UNC13C: variants seen among roughly 807,000 people sequenced by gnomAD.
UNC13C encodes unc-13 homolog C.
A neutral mutation model predicts 245.4 loss-of-function variants in UNC13C; 174 were observed. That is an observed-to-expected ratio of 0.71 (90% confidence interval 0.63 to 0.80). The LOEUF (loss-of-function observed/expected upper bound fraction) is 0.80. Ranked by LOEUF, UNC13C falls within the 30% of genes least tolerant of loss-of-function variation. The pLI is 0.00. For synonymous variants in UNC13C, 992 were observed against 895.1 expected (o/e 1.11, Z -1.93); for missense variants, 2,829 against 2,602.9 (o/e 1.09, Z -1.89).
chr15:54,153,126 T>G (rs1436072693), intron 4 of UNC13C, among the ~76,000 whole-genome samples: 2 of 152,130 alleles, frequency 1.3e-5, no homozygotes, highest in Non-Finnish European at 2.9e-5. Flanking sequence ...TATACTTTCT[T>G]AAATATGAAA....
chr15:54,356,733 A>G (rs1567211600), intron 17 of UNC13C, among the ~76,000 whole-genome samples: 1 of 152,198 alleles, frequency 6.6e-6, no homozygotes, highest in Non-Finnish European at 1.5e-5. Context: ...TACTTTAGCA[A>G]TAAAACATAT....
intron 2 of UNC13C, among the ~76,000 whole-genome samples, chr15:54,032,019 T>G (rs1896378492): frequency 6.6e-6 from 1 of 152,166 alleles, no homozygotes. Context: ...ACCGGAAGTA[T>G]TAATTAGAAG....
intron 4 of UNC13C, among the ~76,000 whole-genome samples, chr15:54,206,766 T>C (rs1257621398): frequency 1.3e-5 from 2 of 152,112 alleles, no homozygotes; most frequent in East Asian, 3.9e-4. Flanking sequence ...AGAGTGAATG[T>C]AAAGAGTCAA....
intron 4 of UNC13C, among the ~76,000 whole-genome samples, chr15:54,162,419 C>G (rs1433525206): frequency 6.6e-6 from 1 of 152,150 alleles, no homozygotes; most frequent in African/African-American, 2.4e-5. Context: ...GCAGCTCTTG[C>G]AATCAGACAG....
At chr15:54,186,276 G>A (rs1294942155) in intron 4 of UNC13C, among the ~76,000 whole-genome samples, 3 of 152,136 alleles carry the variant, frequency 2.0e-5, no homozygotes, top group East Asian at 1.9e-4. Flanking sequence ...TCTCCTGCCT[G>A]ATTTCCCTGG....
At chr15:54,577,717 G>A (rs1419161908) in intron 30 of UNC13C, among the ~76,000 whole-genome samples, 1 of 152,100 alleles carries the variant, frequency 6.6e-6, no homozygotes, top group Non-Finnish European at 1.5e-5. Context: ...GCAGTTAGCA[G>A]TTCCACTTTC....
Position 54,184,317 on chromosome 15 carries a change from C to A in UNC13C, c.3071+40633C>A, listed in dbSNP as rs186051498. Among the ~76,000 whole-genome samples, 15 of 151,818 alleles carry A rather than the reference C, an allele frequency of 9.9e-5. 2 individuals are homozygous for A. The highest frequency in any genetic ancestry group is 3.9e-4 in the East Asian group (2 of 5,166). ...TTTCAGGGTACGTGTGCACAACGTG[C>A]GGGTTTTGTTACATATGTATACATG... On this transcript the variant is annotated intron_variant, in intron 4 of 32. Coordinates refer to ENST00000260323, the MANE Select transcript of UNC13C (RefSeq NM_001080534.3).
the UNC13C span, among the ~76,000 whole-genome samples, chr15:53,882,641 G>T: frequency 2.6e-5 from 4 of 152,226 alleles, no homozygotes; most frequent in South Asian, 8.3e-4. Flanking sequence ...AATGCATTTG[G>T]TGATGGTGGC....
At chr15:53,860,680 C>A in the UNC13C span, among the ~76,000 whole-genome samples, 1 of 152,146 alleles carries the variant, frequency 6.6e-6, no homozygotes, top group South Asian at 2.1e-4. Context: ...ATTCACTCTT[C>A]GTATAACATG....
At chr15:54,339,143 T>C (rs11638939) in intron 17 of UNC13C, among the ~76,000 whole-genome samples, 41,272 of 152,136 alleles carry the variant, frequency 0.27, 5,987 homozygotes, top group Admixed American at 0.36. Context: ...GCTGGGATTA[T>C]AGGCATGAGC....
intron 13 of UNC13C, among the ~76,000 whole-genome samples, chr15:54,302,218 A>T (rs1265153279): frequency 1.3e-5 from 2 of 152,074 alleles, no homozygotes; most frequent in African/African-American, 2.4e-5. Flanking sequence ...AGATTGCAAA[A>T]ATTTTCTCTC....
At chr15:53,957,037 G>A in the UNC13C span, among the ~76,000 whole-genome samples, 16,907 of 152,092 alleles carry the variant, frequency 0.11, 1,253 homozygotes, top group East Asian at 0.31. Context: ...TAAAACAAAT[G>A]CCAACAAATA....
chr15:54,422,441 A>G (rs1403591643), intron 19 of UNC13C, among the ~76,000 whole-genome samples: 2 of 152,024 alleles, frequency 1.3e-5, no homozygotes, highest in Admixed American at 6.6e-5. Flanking sequence ...CTGGTATATA[A>G]AAGTTTCCAA....
At chr15:54,341,756 C>A (rs1015319941) in intron 17 of UNC13C, among the ~76,000 whole-genome samples, 1 of 152,128 alleles carries the variant, frequency 6.6e-6, no homozygotes, top group Non-Finnish European at 1.5e-5. Flanking sequence ...GCAGGTAGAT[C>A]ACGAGGTCAG....
chr15:54,536,956 A>G (rs931817740), intron 26 of UNC13C, among the ~76,000 whole-genome samples: 9 of 152,138 alleles, frequency 5.9e-5, no homozygotes, highest in Admixed American at 2.0e-4. Context: ...CTCCTATTCA[A>G]CATAGTACTA....
At chr15:54,383,644 A>G (rs537915274) in intron 17 of UNC13C, among the ~76,000 whole-genome samples, 67 of 152,310 alleles carry the variant, frequency 4.4e-4, no homozygotes, top group Non-Finnish European at 7.2e-4. Flanking sequence ...ACTCCTATGC[A>G]ACATGGTGCT....
chr15:54,213,918 A>T (rs1057219259), intron 4 of UNC13C, among the ~76,000 whole-genome samples: 1 of 152,030 alleles, frequency 6.6e-6, no homozygotes, highest in Non-Finnish European at 1.5e-5. Context: ...AGGCATTGAG[A>T]TCACATATCC....
chr15:54,053,403 A>AAT (rs1897357639), intron 2 of UNC13C, among the ~76,000 whole-genome samples: 1 of 152,156 alleles, frequency 6.6e-6, no homozygotes, highest in Non-Finnish European at 1.5e-5. Context: ...TACGAATGTA[A>AAT]ATTCCACAGT....
At chr15:54,127,745 AT>A (rs1261647844) in intron 2 of UNC13C, among the ~76,000 whole-genome samples, 1 of 119,038 alleles carries the variant, frequency 8.4e-6, no homozygotes, top group Non-Finnish European at 1.7e-5. Flanking sequence ...TTAAATATAT[AT>A]TTCATATATA....
Sources: allele counts gnomAD v4.1 joint callset (sites outside exome capture counted in the v4.1 genomes callset), GRCh38; gene constraint gnomAD v4.1.1; transcripts MANE v1.5; gene names NCBI Gene and HGNC (gene_info 2026-07-23, HGNC 2026-07-21).